The following STK32A variants were observed in gnomAD, a reference collection of about 807,000 sequenced individuals.
STK32A encodes the protein serine/threonine-protein kinase 32A.
A neutral mutation model predicts 53.2 loss-of-function variants in STK32A; 41 were observed. The observed-to-expected ratio is 0.77, with a 90% CI of 0.60 to 1.00. STK32A has a LOEUF of 1.00. STK32A is among the 50% of genes least tolerant of loss of function. STK32A has a pLI of 0.00. For synonymous variants in STK32A, 166 were observed against 162.8 expected (o/e 1.02, Z -0.15); for missense variants, 458 against 485.8 (o/e 0.94, Z 0.54).
chr5:147,248,121 C>CAA (rs34098316), intron 2 of STK32A, among the ~76,000 whole-genome samples: 8,588 of 79,918 alleles, frequency 0.11, 513 homozygotes, highest in African/African-American at 0.19. Flanking sequence ...AACTCCGTCT[C>CAA]AAAAAAAAAA....
intron 11 of STK32A, among the ~76,000 whole-genome samples, chr5:147,380,980 A>G (rs1233924218): frequency 1.3e-5 from 2 of 152,150 alleles, no homozygotes; most frequent in Non-Finnish European, 2.9e-5. Flanking sequence ...TGATTGTCCG[A>G]TGTATTTACA....
chr5:147,399,944 A>G, the STK32A span, among the ~76,000 whole-genome samples: 1 of 152,220 alleles, frequency 6.6e-6, no homozygotes, highest in Non-Finnish European at 1.5e-5. Flanking sequence ...GAAAGAATTG[A>G]GTTTAAAACC....
chr5:147,338,102 G>A (rs1755227462), intron 5 of STK32A, among the ~76,000 whole-genome samples: 1 of 152,146 alleles, frequency 6.6e-6, no homozygotes. Flanking sequence ...TGATATGGAT[G>A]TGTTTTTGCT....
chr5:147,368,809 A>G lies in STK32A; in HGVS notation c.661-1845A>G, dbSNP rs547206493. On this transcript the variant is annotated intron_variant, in intron 8 of 12. Coordinates refer to ENST00000397936, the MANE Select transcript of STK32A (RefSeq NM_001112724.2). ...AACTAGAGAAAAATGTACACACTTA[A>G]ACCAGCTGCTTGTGGCATTCATCAG... Among the ~76,000 whole-genome samples the G allele has an allele frequency of 4.6e-5, 7 of 152,282 alleles. No homozygotes were observed. The East Asian group carries it at 1.4e-3, about 29-fold the overall frequency.
intron 7 of STK32A, among the ~76,000 whole-genome samples, chr5:147,352,398 C>T (rs1039683774): frequency 6.6e-6 from 1 of 152,122 alleles, no homozygotes; most frequent in Non-Finnish European, 1.5e-5. Flanking sequence ...GTTGGTTTCA[C>T]GTATAGTTGT....
chr5:147,271,138 T>C (rs6871048), intron 2 of STK32A, among the ~76,000 whole-genome samples: 99,328 of 151,776 alleles, frequency 0.65, 32,893 homozygotes, highest in African/African-American at 0.75. Context: ...GAGGGACTGG[T>C]TAAAACCATG....
In STK32A at chr5:147,384,576, C is replaced by T. The variant is rs370647192; in HGVS notation, c.*593C>T. ...GTGAATCAGCATTAGATCCGCTTAT[C>T]TCAGCTGGCAGGAGCCTGCTGTGCA... On this transcript the variant is annotated 3_prime_UTR_variant, in exon 13 of 13. Coordinates refer to ENST00000397936, the MANE Select transcript of STK32A (RefSeq NM_001112724.2). The T allele has an allele frequency of 9.2e-6, 6 of 651,776 alleles. No individual in the cohort carries two copies. Among genetic ancestry groups the T allele is most frequent in the South Asian group, 7.6e-5 (3 of 39,296 alleles). 40.4% of individuals were successfully genotyped at this position (651,776 alleles called of 1,614,324 possible).
chr5:147,346,378 C>T (rs889480713), intron 6 of STK32A, among the ~76,000 whole-genome samples: 1 of 152,218 alleles, frequency 6.6e-6, no homozygotes, highest in Non-Finnish European at 1.5e-5. Context: ...CGCATCCCTA[C>T]AAGTGAGCTG....
At position 147,370,658 on chromosome 5, in the gene STK32A, C is replaced by T. The variant is rs1008428514; in HGVS notation, c.665C>T (p.Pro222Leu). 13 of 1,603,430 alleles carry T rather than the reference C, an allele frequency of 8.1e-6. No homozygotes were observed. The East Asian group carries it at 8.9e-5, about 11-fold the overall frequency. ...TTACTTCTTTTCTCCCTTAAGAGAC[C>T]GTATCATATTCGCTCCAGTACTTCC... ...TAYELLRGRR[P>L]YHIRSSTSSK... is the part of the protein sequence containing the mutation. Residue 222 changes from proline (P) to leucine (L), a missense_variant, in exon 9 of 13, where the codon CCG (proline) becomes CTG (leucine). Physicochemically the swap from Pro to Leu is moderately conservative, Grantham distance 98. Coordinates refer to ENST00000397936, the MANE Select transcript of STK32A (RefSeq NM_001112724.2).
chr5:147,345,284 T>G (rs548680509), intron 6 of STK32A, among the ~76,000 whole-genome samples: 1 of 152,294 alleles, frequency 6.6e-6, no homozygotes, highest in South Asian at 2.1e-4. Context: ...GAATACTTAA[T>G]TAGGGTCATT....
In STK32A at chr5:147,385,829, C is replaced by T. The variant is rs1041956405; in HGVS notation, c.*1846C>T. The T allele has an allele frequency of 1.3e-5, 2 of 152,176 alleles. No homozygotes were observed. The highest frequency in any genetic ancestry group is 4.8e-5 in the African/African-American group (2 of 41,456). The allele number at this position is 152,176 out of a possible 1,614,324, so 9.4% of individuals were successfully genotyped here. A position where few individuals can be genotyped will look rare whatever the true frequency, so the allele number is the denominator to read the frequency against. On this transcript the variant is annotated 3_prime_UTR_variant, in exon 13 of 13. Transcript: ENST00000397936. ...TAAACCTGTCCTTACTTATGGAGAG[C>T]ATGTGTCACACCAAGATGGCAGTAA...
chr5:147,324,172 C>A, intron 5 of STK32A, 101 bp downstream of exon 5: 2 of 1,211,466 alleles, frequency 1.7e-6, no homozygotes, highest in Non-Finnish European at 2.2e-6. Context: ...ATTTAATCCC[C>A]GTTTAATTCT....
chr5:147,238,348 C>T (rs912233581), intron 1 of STK32A, among the ~76,000 whole-genome samples: 2 of 152,176 alleles, frequency 1.3e-5, no homozygotes, highest in Admixed American at 6.6e-5. Context: ...GCATCATCTG[C>T]CTGGCTCCTA....
intron 8 of STK32A, among the ~76,000 whole-genome samples, chr5:147,363,512 T>C (rs1756608293): frequency 6.6e-6 from 1 of 152,200 alleles, no homozygotes; most frequent in Non-Finnish European, 1.5e-5. Flanking sequence ...CAGTGCACTC[T>C]GGACCTGTAG....
At chr5:147,360,458 AAAAAAAAAAG>A (rs1229847014) in intron 7 of STK32A, among the ~76,000 whole-genome samples, 8 of 146,878 alleles carry the variant, frequency 5.4e-5, no homozygotes, top group East Asian at 4.0e-4. Flanking sequence ...CTCAAAAAAA[AAAAAAAAAAG>A]AAAAAAAAAA....
intron 11 of STK32A, among the ~76,000 whole-genome samples, chr5:147,379,708 A>C (rs999403317): frequency 2.6e-5 from 4 of 152,152 alleles, no homozygotes; most frequent in Non-Finnish European, 5.9e-5. Context: ...CAATTGAGGC[A>C]AATTCCCTAA....
chr5:147,378,406 A>G (rs1757314410), intron 11 of STK32A, among the ~76,000 whole-genome samples: 1 of 152,120 alleles, frequency 6.6e-6, no homozygotes. Flanking sequence ...GATCATAGGA[A>G]TTACCCATGC....
chr5:147,334,743 A>G (rs1003774924), intron 5 of STK32A, among the ~76,000 whole-genome samples: 1 of 152,222 alleles, frequency 6.6e-6, no homozygotes, highest in African/African-American at 2.4e-5. Context: ...TCGATTCATC[A>G]TTTAGCATCC....
chr5:147,288,124 T>C (rs1204236258), intron 4 of STK32A, among the ~76,000 whole-genome samples: 1 of 152,132 alleles, frequency 6.6e-6, no homozygotes, highest in African/African-American at 2.4e-5. Context: ...CTTCTCACAT[T>C]GAACCTCACA....
Sources: allele counts gnomAD v4.1 joint callset (sites outside exome capture counted in the v4.1 genomes callset), GRCh38; gene constraint gnomAD v4.1.1; transcripts MANE v1.5; gene names NCBI Gene and HGNC (gene_info 2026-07-23, HGNC 2026-07-21).